The following PRLR variants were observed in gnomAD, a reference collection of about 807,000 sequenced individuals.
PRLR encodes the protein hPRL receptor.
Under a neutral mutation model 40.2 loss-of-function variants are expected in PRLR, and 13 were observed. The ratio of observed to expected loss-of-function variants is 0.32; its 90% CI spans 0.21 to 0.51. The LOEUF is 0.51. Ranked by LOEUF, PRLR falls within the 20% of genes least tolerant of loss-of-function variation. The pLI, the probability that PRLR is intolerant of heterozygous loss-of-function variation, is 0.97. For missense variants in PRLR, 656 were observed against 747.3 expected, an observed-to-expected ratio of 0.88 and a Z score of 1.42; for synonymous variants, 269 against 278.7, an observed-to-expected ratio of 0.97 and a Z score of 0.35.
At chr5:35,222,008 T>C (rs1356652882) in intron 1 of PRLR, among the ~76,000 whole-genome samples, 1 of 152,106 alleles carries the variant, frequency 6.6e-6, no homozygotes, top group Non-Finnish European at 1.5e-5. Context: ...AAGGATTCTT[T>C]AAAATGTAGC....
chr5:35,049,607 G>A (rs1418648631), intron 8 of PRLR, among the ~76,000 whole-genome samples: 3 of 152,174 alleles, frequency 2.0e-5, no homozygotes, highest in African/African-American at 7.2e-5. Flanking sequence ...TTATATTTCA[G>A]TAAATTTCCT....
At chr5:35,211,178 T>C (rs1344507965) in intron 1 of PRLR, among the ~76,000 whole-genome samples, 1 of 152,194 alleles carries the variant, frequency 6.6e-6, no homozygotes, top group East Asian at 1.9e-4. Flanking sequence ...TTTGCAAAAG[T>C]CAATGTTTTC....
At chr5:35,067,296 G>A (rs1157358486) in intron 9 of PRLR, among the ~76,000 whole-genome samples, 5 of 152,242 alleles carry the variant, frequency 3.3e-5, no homozygotes, top group Admixed American at 2.6e-4. Flanking sequence ...CTATTTTATC[G>A]TTAAGTCTCT....
chr5:35,174,006 C>T (rs533898656), intron 1 of PRLR, among the ~76,000 whole-genome samples: 431 of 152,016 alleles, frequency 2.8e-3, no homozygotes, highest in Middle Eastern at 0.01. Flanking sequence ...CAACAGGCCC[C>T]GGTGTGTGAT....
At position 35,229,835 on chromosome 5, in the gene PRLR, C is replaced by T. The variant is rs1579825988; in HGVS notation, c.-106+433G>A. ...TTTCATCACATCACCTGTCTGCGCC[C>T]CTTCCCCCTCCCCGCTCTTTTTTTC... On this transcript the variant is annotated intron_variant, in intron 1 of 9. Coordinates refer to ENST00000618457, the MANE Select transcript of PRLR (RefSeq NM_000949.7). Among the ~76,000 whole-genome samples the T allele has an allele frequency of 2.0e-5, 3 of 152,234 alleles. No homozygotes were observed. In the South Asian group the frequency reaches 6.2e-4, roughly 32 times the overall value.
rs755227416 is a variant in PRLR, at chr5:35,065,222, G to A, written c.1736C>T (p.Ala579Val). Residue 579 changes from alanine to valine, a missense_variant, in exon 10 of 10, where the codon GCC becomes GTC. This residue lies in a region of PRLR where 469 missense variants were observed against 491.5 expected (regional missense o/e 0.95). Transcript: ENST00000618457. ...TTGATTCTGTTCAAGTGATGGTGGG[G>A]CCTCTTTGGCTGATTCTTCAAAGCA... Reference protein sequence around the residue: ...VACFEESAKEAPPSLEQNQAE... With the variant: ...VACFEESAKEVPPSLEQNQAE... 16 of 1,614,010 alleles carry A rather than the reference G, an allele frequency of 9.9e-6. No homozygotes were observed. The South Asian group carries it at 1.3e-4, about 13-fold the overall frequency.
At chr5:35,169,673 C>A (rs938823509) in intron 1 of PRLR, among the ~76,000 whole-genome samples, 29 of 152,158 alleles carry the variant, frequency 1.9e-4, no homozygotes, top group African/African-American at 6.5e-4. Flanking sequence ...TGGAAGATCT[C>A]CAATTAATTA....
At chr5:35,162,817 T>C (rs541604203) in intron 1 of PRLR, among the ~76,000 whole-genome samples, 1 of 152,338 alleles carries the variant, frequency 6.6e-6, no homozygotes, top group Admixed American at 6.5e-5. Flanking sequence ...CTGTCTCCAT[T>C]GTGACCCCTT....
At chr5:35,135,633 T>C (rs1305859560) in intron 1 of PRLR, among the ~76,000 whole-genome samples, 1 of 152,176 alleles carries the variant, frequency 6.6e-6, no homozygotes, top group Non-Finnish European at 1.5e-5. Flanking sequence ...ACCCTGGAGT[T>C]TCAGATTGAC....
At chr5:35,053,206 A>G (rs1165888060), downstream of PRLR, among the ~76,000 whole-genome samples, 3 of 152,222 alleles carry the variant, frequency 2.0e-5, no homozygotes, top group Admixed American at 1.3e-4. Context: ...AGATCAAGAA[A>G]GAGACATAAG....
chr5:35,099,528 C>T (rs1414470639), intron 2 of PRLR, among the ~76,000 whole-genome samples: 1 of 152,112 alleles, frequency 6.6e-6, no homozygotes, highest in Admixed American at 6.5e-5. Context: ...TTACAGTGTA[C>T]TCCTTCTACT....
rs1354993341 is a variant in PRLR, at chr5:35,065,562, T to C, written c.1396A>G (p.Lys466Glu). Reference protein sequence around the residue: ...KDALKSSQTIKSREEGKATQQ... With the variant: ...KDALKSSQTIESREEGKATQQ... Reference sequence around the variant, plus strand: ...GTTGCCTTTCCCTCTTCTCTAGACTTAATGGTTTGAGAGGATTTTAAAGCA... The same window carrying C: ...GTTGCCTTTCCCTCTTCTCTAGACTCAATGGTTTGAGAGGATTTTAAAGCA... Residue 466 changes from lysine to glutamate, a missense_variant, in exon 10 of 10, where the codon AAG becomes GAG. By Grantham distance (56) the Lys-to-Glu change is moderately conservative. Around this residue, in one of 3 missense-constraint regions of PRLR, gnomAD observed 469 missense variants for 491.5 expected, o/e 0.95. Transcript: ENST00000618457. 6.2e-7 allele frequency: 1 copy of C among 1,614,010 alleles called. No individual in the cohort carries two copies. The highest frequency in any genetic ancestry group is 8.5e-7 in the Non-Finnish European group (1 of 1,180,004).
rs1770726514 is a variant in PRLR at position 35,084,591 on chromosome 5, G to A, written c.252C>T (p.Asn84=). Residue 84 remains asparagine, a synonymous_variant, in exon 5 of 10, where the codon AAC becomes AAT. Coordinates refer to ENST00000618457, the MANE Select transcript of PRLR (RefSeq NM_000949.7). ...TGTACTGCTTGCCAAAGTGGCAGGA[G>A]TTGGGGCCACCGGTTATGTAGTCTG... ...ECPDYITGGP[N]SCHFGKQYTS... 1 of 1,611,140 alleles carries A rather than the reference G, an allele frequency of 6.2e-7. No homozygotes were observed. The highest frequency in any genetic ancestry group is 8.5e-7 in the Non-Finnish European group (1 of 1,178,870).
intron 1 of PRLR, among the ~76,000 whole-genome samples, chr5:35,170,086 T>C (rs944563769): frequency 6.6e-6 from 1 of 152,238 alleles, no homozygotes; most frequent in African/African-American, 2.4e-5. Context: ...AATTTTGGTT[T>C]AGTCAAGAGG....
intron 1 of PRLR, among the ~76,000 whole-genome samples, chr5:35,209,492 GT>G (rs1462232676): frequency 5.3e-5 from 8 of 152,132 alleles, no homozygotes; most frequent in African/African-American, 1.7e-4. Context: ...AAGACCCACT[GT>G]TCAGAACTGA....
At chr5:35,219,096 G>C (rs1776354928) in intron 1 of PRLR, among the ~76,000 whole-genome samples, 1 of 152,116 alleles carries the variant, frequency 6.6e-6, no homozygotes, top group South Asian at 2.1e-4. Flanking sequence ...TTCCTGGAGG[G>C]GGGTTGGATC....
chr5:35,131,305 A>G (rs1773662728), intron 1 of PRLR, among the ~76,000 whole-genome samples: 1 of 152,164 alleles, frequency 6.6e-6, no homozygotes, highest in South Asian at 2.1e-4. Flanking sequence ...CTGAATCCCT[A>G]TCAACTCCAA....
intron 1 of PRLR, among the ~76,000 whole-genome samples, chr5:35,122,435 A>G (rs1215250071): frequency 6.6e-6 from 1 of 151,800 alleles, no homozygotes; most frequent in African/African-American, 2.4e-5. Context: ...TGTTCCCCCA[A>G]CCTCCTGCCC....
At chr5:35,050,102 A>AT (rs1011951996) in intron 8 of PRLR, among the ~76,000 whole-genome samples, 2 of 152,004 alleles carry the variant, frequency 1.3e-5, no homozygotes, top group African/African-American at 4.8e-5. Context: ...GGGTTTCTCC[A>AT]TGTTGAGGCT....
Sources: allele counts gnomAD v4.1 joint callset (sites outside exome capture counted in the v4.1 genomes callset), GRCh38; gene constraint gnomAD v4.1.1; regional missense constraint gnomAD v4.1.1; transcripts MANE v1.5; gene names NCBI Gene and HGNC (gene_info 2026-07-23, HGNC 2026-07-21).